Variants in TCF7L1 observed in about 807,000 individuals in gnomAD.
TCF7L1 encodes the protein transcription factor 7 like 1, also known as transcription factor 7-like 1.
Under a neutral mutation model 63.7 loss-of-function variants are expected in TCF7L1, and 18 were observed. That is an observed-to-expected ratio of 0.28 (90% CI 0.20 to 0.42). TCF7L1 has a LOEUF of 0.42. TCF7L1 is among the 10% of genes least tolerant of loss of function. The pLI is 1.00. For synonymous variants in TCF7L1, 355 were observed against 340.9 expected (o/e 1.04, Z -0.46); for missense variants, 654 against 779.3 (o/e 0.84, Z 1.91).
chr2:85,234,126 C>CTTTTCTTTTTTTTTTTTTTTTT (rs1680144762), intron 3 of TCF7L1, among the ~76,000 whole-genome samples: 1 of 104,328 alleles, frequency 9.6e-6, no homozygotes, highest in Non-Finnish European at 2.1e-5. Context: ...TTTCTTTTTT[C>CTTTTCTTTTTTTTTTTTTTTTT]TTTTCTTTTT....
intron 3 of TCF7L1, among the ~76,000 whole-genome samples, chr2:85,249,825 A>G (rs1680550960): frequency 6.6e-6 from 1 of 152,182 alleles, no homozygotes; most frequent in South Asian, 2.1e-4. Flanking sequence ...TGGAAGCATC[A>G]TCAGTTGCAG....
At chr2:85,227,730 T>C (rs1679989400) in intron 3 of TCF7L1, among the ~76,000 whole-genome samples, 2 of 152,098 alleles carry the variant, frequency 1.3e-5, no homozygotes, top group South Asian at 4.1e-4. Flanking sequence ...GCACAGTGGC[T>C]CACACCTATA....
intron 3 of TCF7L1, among the ~76,000 whole-genome samples, chr2:85,194,395 G>A (rs1679105185): frequency 6.6e-6 from 1 of 152,150 alleles, no homozygotes; most frequent in Admixed American, 6.5e-5. Flanking sequence ...CGGGTGTGGT[G>A]GCGCACGCCT....
intron 3 of TCF7L1, among the ~76,000 whole-genome samples, chr2:85,256,828 C>G (rs1435696594): frequency 6.6e-6 from 1 of 151,834 alleles, no homozygotes; most frequent in Non-Finnish European, 1.5e-5. Flanking sequence ...AATAAAAATA[C>G]AAAAATTAGC....
chr2:85,134,021 G>A lies in TCF7L1; in HGVS notation c.255G>A (p.Glu85=), dbSNP rs777760886. ...CCTTTGTGTCTCCTCCGCAGGCGGA[G>A]AGGCGCCCGCAGCCCGTCCGGGACA... ...NQSSSSDSEA[E]RRPQPVRDTF... Residue 85 remains glutamate, a synonymous_variant, in exon 2 of 12, where the codon GAG becomes GAA. Transcript: ENST00000282111. The surrounding 1 kb of genome is among the most constrained non-coding windows in gnomAD (Gnocchi z 5.0). The A allele has an allele frequency of 1.9e-6, 3 of 1,609,688 alleles. No homozygotes were observed. The Admixed American group carries it at 5.0e-5, about 27-fold the overall frequency.
In TCF7L1 at chr2:85,133,651, T is replaced by G. The variant is rs1002148956; in HGVS notation, c.-34T>G. ...GGGCAGGGCGCGGGCGGCTAGGGGC[T>G]CCGAGAGCGGCGGCCCCGGCCCGCG... On this transcript the variant is annotated 5_prime_UTR_variant, in exon 1 of 12. Coordinates refer to ENST00000282111, the MANE Select transcript of TCF7L1 (RefSeq NM_031283.3). The surrounding 1 kb of genome is among the most constrained non-coding windows in gnomAD (Gnocchi z 4.4). 6.4e-5 allele frequency: 56 copies of G among 878,478 alleles called. No homozygotes were observed. The African/African-American group carries it at 9.4e-4, about 15-fold the overall frequency. The allele number at this position is 878,478 out of a possible 1,614,324, so 54.4% of individuals were successfully genotyped here. A position where few individuals can be genotyped will look rare whatever the true frequency, so the allele number is the denominator to read the frequency against.
intron 4 of TCF7L1, among the ~76,000 whole-genome samples, chr2:85,289,996 G>A (rs1447111458): frequency 1.8e-5 from 2 of 110,914 alleles, no homozygotes; most frequent in African/African-American, 3.5e-5. Flanking sequence ...TTTTTTCTCC[G>A]AGACAGAGTC....
chr2:85,133,708 C>T lies in TCF7L1; in HGVS notation c.24C>T (p.Gly8=). 2.9e-6 allele frequency: 1 copy of T among 349,316 alleles called. No individual in the cohort carries two copies. Among genetic ancestry groups the T allele is most frequent in the Non-Finnish European group, 3.4e-6 (1 of 290,196 alleles). The allele number at this position is 349,316 out of a possible 1,614,324, so 21.6% of individuals were successfully genotyped here. ...CCATGCCCCAGCTCGGCGGCGGGGG[C>T]GGCGGCGGCGGCGGCGGCAGCGGGG... MPQLGGG[G]GGGGGGSGGG... The change falls in exon 1 of 12, where the codon GGC becomes GGT. Residue 8 remains glycine, a synonymous_variant. Transcript: ENST00000282111. The surrounding 1 kb of genome is among the most constrained non-coding windows in gnomAD (Gnocchi z 4.4).
At chr2:85,282,266 G>A (rs1681436606) in intron 3 of TCF7L1, among the ~76,000 whole-genome samples, 2 of 152,192 alleles carry the variant, frequency 1.3e-5, no homozygotes, top group Admixed American at 6.5e-5. Context: ...GGGATTACAG[G>A]CATGAGCCAC....
At chr2:85,199,394 A>G (rs1679225490) in intron 3 of TCF7L1, among the ~76,000 whole-genome samples, 1 of 152,220 alleles carries the variant, frequency 6.6e-6, no homozygotes, top group South Asian at 2.1e-4. Context: ...GCCATTTAAA[A>G]TTTTGTTTGT....
intron 3 of TCF7L1, among the ~76,000 whole-genome samples, chr2:85,139,344 ACTT>A (rs780907997): frequency 6.6e-6 from 1 of 152,106 alleles, no homozygotes; most frequent in Non-Finnish European, 1.5e-5. Flanking sequence ...TAACTCTTAA[ACTT>A]CTTCAACTGA....
intron 3 of TCF7L1, among the ~76,000 whole-genome samples, chr2:85,156,788 C>T (rs1306006040): frequency 6.6e-6 from 1 of 152,212 alleles, no homozygotes; most frequent in Non-Finnish European, 1.5e-5. Flanking sequence ...TACGCGCATG[C>T]ATGCACATGT....
chr2:85,167,808 G>A (rs562992373), intron 3 of TCF7L1, among the ~76,000 whole-genome samples: 13 of 152,280 alleles, frequency 8.5e-5, no homozygotes, highest in South Asian at 6.2e-4. Context: ...AGGCTGCAGT[G>A]AGCCAAGATC....
At chr2:85,303,849 C>T in intron 5 of TCF7L1, 46 bp from the exon 6 acceptor site, 1 of 1,449,248 alleles carries the variant, frequency 6.9e-7, no homozygotes, top group Non-Finnish European at 9.6e-7. Context: ...TTAAGGTGCT[C>T]TGGCAGGGCG....
chr2:85,254,600 G>A (rs757988179), intron 3 of TCF7L1, among the ~76,000 whole-genome samples: 2 of 152,218 alleles, frequency 1.3e-5, no homozygotes, highest in Non-Finnish European at 2.9e-5. Context: ...TGTAAACCAC[G>A]TTAATTGTGG....
At chr2:85,250,787 T>G (rs1249746932) in intron 3 of TCF7L1, among the ~76,000 whole-genome samples, 3 of 152,210 alleles carry the variant, frequency 2.0e-5, no homozygotes, top group Admixed American at 2.0e-4. Context: ...CACTATTTTG[T>G]GTTTCGTGTA....
At chr2:85,246,542 A>G (rs1260644640) in intron 3 of TCF7L1, among the ~76,000 whole-genome samples, 1 of 152,206 alleles carries the variant, frequency 6.6e-6, no homozygotes, top group Non-Finnish European at 1.5e-5. Context: ...TTTAATAGAC[A>G]GTGAGTTGAG....
chr2:85,242,268 T>G (rs1680352689), intron 3 of TCF7L1, among the ~76,000 whole-genome samples: 2 of 152,198 alleles, frequency 1.3e-5, no homozygotes, highest in Admixed American at 6.5e-5. Flanking sequence ...GCCTCTGGGC[T>G]GCCAACATAG....
chr2:85,295,934 C>T (rs189172872), intron 4 of TCF7L1, among the ~76,000 whole-genome samples: 12 of 151,964 alleles, frequency 7.9e-5, no homozygotes, highest in Non-Finnish European at 1.2e-4. Flanking sequence ...CCCACCACCA[C>T]GCCCAGCTAA....
Sources: gnomAD v4.1 joint callset for allele counts (sites outside exome capture counted in the v4.1 genomes callset) on GRCh38, gnomAD v4.1.1 for gene constraint, Gnocchi (gnomAD v3.1) non-coding constraint, MANE v1.5 for transcripts, NCBI Gene and HGNC (gene_info 2026-07-23, HGNC 2026-07-21) for gene names.